Variants in ABL1 observed in about 807,000 individuals in gnomAD.
The protein encoded by ABL1 is tyrosine-protein kinase ABL1.
Under a neutral mutation model 94.7 loss-of-function variants are expected in ABL1, and 11 were observed. That is an observed-to-expected ratio of 0.12 (90% CI 0.07 to 0.19). The LOEUF is 0.19. Ranked by LOEUF, ABL1 falls within the 10% of genes least tolerant of loss-of-function variation. ABL1 has a pLI of 1.00. For missense variants in ABL1, 1,082 were observed against 1,489.4 expected (o/e 0.73, Z 4.50); for synonymous variants, 656 against 622.4 (o/e 1.05, Z -0.80).
At chr9:130,853,969 A>C in intron 1 of ABL1, 95 bp from the exon 2 acceptor site, 1 of 1,305,456 alleles carries the variant, frequency 7.7e-7, no homozygotes, top group Non-Finnish European at 1.1e-6. Context: ...GTAATGTTGG[A>C]AACACAAATA....
intron 1 of ABL1, among the ~76,000 whole-genome samples, chr9:130,761,968 C>T (rs1022911505): frequency 2.0e-5 from 3 of 151,872 alleles, no homozygotes; most frequent in Non-Finnish European, 2.9e-5. Flanking sequence ...CGTGGGGAAA[C>T]CCCCGTCTCT....
At chr9:130,845,124 A>G (rs1027998032) in intron 1 of ABL1, among the ~76,000 whole-genome samples, 2 of 152,216 alleles carry the variant, frequency 1.3e-5, no homozygotes, top group African/African-American at 4.8e-5. Flanking sequence ...TTCTTTTAAA[A>G]TAAATGCAGT....
chr9:130,715,417 A>G (rs1477763427), intron 1 of ABL1, among the ~76,000 whole-genome samples: 1 of 152,208 alleles, frequency 6.6e-6, no homozygotes, highest in East Asian at 1.9e-4. Context: ...ATACCCCAAC[A>G]TTGGGTGACT....
rs762470102 is a variant in ABL1 at position 130,884,773 on chromosome 9, C to T, written c.2483C>T (p.Ser828Leu). 6 of 1,611,368 alleles carry T rather than the reference C, an allele frequency of 3.7e-6. No individual in the cohort carries two copies. The highest frequency in any genetic ancestry group is 1.7e-5 in the Admixed American group (1 of 59,908). Residue 828 changes from serine to leucine, a missense_variant, in exon 11 of 11, where the codon TCG becomes TTG. Ser to Leu is a moderately radical substitution (Grantham distance 145). Transcript: ENST00000318560. The surrounding 1 kb of genome is among the most constrained non-coding windows in gnomAD (Gnocchi z 5.6). ...CGGCAGGTCACCGTGGCCCCTGCCT[C>T]GGGCCTCCCCCACAAGGAAGAAGCT... ...LRRQVTVAPA[S>L]GLPHKEEAGK...
chr9:130,787,004 G>A (rs1829835798), intron 1 of ABL1, among the ~76,000 whole-genome samples: 2 of 152,062 alleles, frequency 1.3e-5, no homozygotes, highest in Non-Finnish European at 2.9e-5. Flanking sequence ...GCTTTTTGTT[G>A]CATTGATCTC....
At chr9:130,859,390 C>G (rs1831027047) in intron 3 of ABL1, among the ~76,000 whole-genome samples, 1 of 152,142 alleles carries the variant, frequency 6.6e-6, no homozygotes, top group African/African-American at 2.4e-5. Context: ...GTTTACCCGC[C>G]CTGACAGTGG....
chr9:130,811,296 A>G (rs941290952), intron 1 of ABL1, among the ~76,000 whole-genome samples: 4 of 149,972 alleles, frequency 2.7e-5, no homozygotes, highest in Non-Finnish European at 6.0e-5. Context: ...GTCTAAATAA[A>G]CAAACAAATA....
chr9:130,766,277 GCAGGACAGATGCCTTACTGT>G (rs963098568), intron 1 of ABL1, among the ~76,000 whole-genome samples: 32 of 152,350 alleles, frequency 2.1e-4, no homozygotes, highest in Non-Finnish European at 3.1e-4. Context: ...GTCTTGCTGG[GCAGGACAGATGCCTTACTGT>G]CAGGACAGAT....
intron 1 of ABL1, among the ~76,000 whole-genome samples, chr9:130,812,200 CAAAAAAAAAA>C (rs35352789): frequency 2.1e-5 from 1 of 48,778 alleles, no homozygotes; most frequent in East Asian, 8.0e-4. Context: ...TCCATCTCTA[CAAAAAAAAAA>C]AAAAAAAAAA....
intron 1 of ABL1, among the ~76,000 whole-genome samples, chr9:130,787,637 T>C (rs891435322): frequency 2.0e-5 from 3 of 152,050 alleles, no homozygotes; most frequent in African/African-American, 4.8e-5. Context: ...TGAGGGGTGC[T>C]CTCTCCAGCC....
intron 3 of ABL1, among the ~76,000 whole-genome samples, chr9:130,859,477 C>G (rs953630992): frequency 1.3e-5 from 2 of 151,534 alleles, no homozygotes; most frequent in African/African-American, 4.9e-5. Flanking sequence ...TTGGACCGTT[C>G]TTGTGTACTG....
intron 1 of ABL1, among the ~76,000 whole-genome samples, chr9:130,735,961 A>ATATATATT (rs573602038): frequency 7.6e-4 from 72 of 94,822 alleles, no homozygotes; most frequent in Admixed American, 2.2e-3. Context: ...ATATATATAT[A>ATATATATT]TTTTTTTTTT....
intron 1 of ABL1, among the ~76,000 whole-genome samples, chr9:130,737,350 C>T (rs1831756432): frequency 6.6e-6 from 1 of 152,118 alleles, no homozygotes; most frequent in Non-Finnish European, 1.5e-5. Flanking sequence ...TCACTGTAAC[C>T]TCCACCTCCC....
intron 1 of ABL1, among the ~76,000 whole-genome samples, chr9:130,731,181 G>A (rs1280957827): frequency 2.7e-5 from 4 of 150,108 alleles, no homozygotes; most frequent in African/African-American, 4.9e-5. Context: ...TAGTTTTTGT[G>A]TTTTTAATAG....
rs1831582378 is a variant in ABL1 at position 130,886,273 on chromosome 9, C to T, written c.*590C>T. The T allele has an allele frequency of 8.5e-6, 2 of 235,464 alleles. No homozygotes were observed. Among genetic ancestry groups the T allele is most frequent in the Admixed American group, 1.1e-4 (2 of 17,986 alleles). 14.6% of individuals were successfully genotyped at this position (235,464 alleles called of 1,614,324 possible). Reference sequence around the variant, plus strand: ...CTGCTGCTGCCCGGGGTGGGGTGCACTCGCCATTTCCTCACGTGCAGGACA... The same window carrying T: ...CTGCTGCTGCCCGGGGTGGGGTGCATTCGCCATTTCCTCACGTGCAGGACA... On this transcript the variant is annotated 3_prime_UTR_variant, in exon 11 of 11. Coordinates refer to ENST00000318560, the MANE Select transcript of ABL1 (RefSeq NM_005157.6).
intron 1 of ABL1, among the ~76,000 whole-genome samples, chr9:130,842,497 G>C (rs1830691212): frequency 6.6e-6 from 1 of 152,106 alleles, no homozygotes; most frequent in Admixed American, 6.5e-5. Flanking sequence ...TTAAAGACAG[G>C]CCGTGAATAC....
upstream of ABL1, among the ~76,000 whole-genome samples, chr9:130,834,384 T>C (rs1830532693): frequency 6.6e-6 from 1 of 152,148 alleles, no homozygotes; most frequent in Non-Finnish European, 1.5e-5. Flanking sequence ...TGCCATTGAG[T>C]TCCTTATTGT....
At chr9:130,720,238 A>C (rs568079400) in intron 1 of ABL1, among the ~76,000 whole-genome samples, 1 of 152,198 alleles carries the variant, frequency 6.6e-6, no homozygotes, top group Non-Finnish European at 1.5e-5. Context: ...TAAAATACAG[A>C]TATGTTAGTG....
chr9:130,866,587 G>A (rs1191928344), intron 4 of ABL1, among the ~76,000 whole-genome samples: 3 of 152,020 alleles, frequency 2.0e-5, no homozygotes, highest in Non-Finnish European at 2.9e-5. Flanking sequence ...ACTTTTAACC[G>A]CAACTCCATA....
Sources: allele counts gnomAD v4.1 joint callset (sites outside exome capture counted in the v4.1 genomes callset), GRCh38; gene constraint gnomAD v4.1.1; non-coding constraint Gnocchi (gnomAD v3.1); transcripts MANE v1.5; gene names NCBI Gene and HGNC (gene_info 2026-07-23, HGNC 2026-07-21).